The following ITPKB variants were observed in gnomAD, a reference collection of about 807,000 sequenced individuals.
ITPKB encodes inositol-trisphosphate 3-kinase B.
Under a neutral mutation model 69.4 loss-of-function variants are expected in ITPKB, and 13 were observed. That is an observed-to-expected ratio of 0.19 (90% CI 0.12 to 0.30). ITPKB has a LOEUF of 0.30. Ranked by LOEUF, ITPKB falls within the 10% of genes least tolerant of loss-of-function variation. ITPKB has a pLI of 1.00. For missense variants in ITPKB, 1,240 were observed against 1,250.5 expected (o/e 0.99, Z 0.13); for synonymous variants, 584 against 513.7 (o/e 1.14, Z -1.85).
intron 2 of ITPKB, among the ~76,000 whole-genome samples, chr1:226,678,855 G>A (rs753602361): frequency 6.6e-6 from 1 of 152,238 alleles, no homozygotes; most frequent in Non-Finnish European, 1.5e-5. Flanking sequence ...CCCAGGAAGT[G>A]ACAATAGAGG....
intron 2 of ITPKB, chr1:226,707,626 G>T: frequency 2.0e-6 from 2 of 994,074 alleles, no homozygotes; most frequent in Non-Finnish European, 2.4e-6. Context: ...TAAATAGGCA[G>T]TGTACACATG....
chr1:226,727,208 C>T (rs1288781748), intron 2 of ITPKB, among the ~76,000 whole-genome samples: 1 of 152,186 alleles, frequency 6.6e-6, no homozygotes, highest in Non-Finnish European at 1.5e-5. Context: ...CATGCATAAG[C>T]AGAGGCTTAG....
chr1:226,670,175 CA>C (rs35767912), intron 2 of ITPKB, among the ~76,000 whole-genome samples: 669 of 31,946 alleles, frequency 0.021, no homozygotes, highest in Non-Finnish European at 0.028. Flanking sequence ...AGCTCCGCCG[CA>C]AAAAAAAAAA....
intron 2 of ITPKB, among the ~76,000 whole-genome samples, chr1:226,657,601 G>C (rs182960882): frequency 1.9e-4 from 29 of 152,184 alleles, no homozygotes; most frequent in Non-Finnish European, 3.8e-4. Context: ...ACTCTGCTGC[G>C]TGTGTGCAAA....
intron 6 of ITPKB, among the ~76,000 whole-genome samples, chr1:226,638,861 CAG>C (rs1186095013): frequency 2.0e-5 from 3 of 151,962 alleles, no homozygotes; most frequent in Non-Finnish European, 4.4e-5. Flanking sequence ...TTCTCTCTCT[CAG>C]GGCATGGGAA....
chr1:226,668,369 G>A (rs1282576338), intron 2 of ITPKB, among the ~76,000 whole-genome samples: 1 of 152,140 alleles, frequency 6.6e-6, no homozygotes, highest in Non-Finnish European at 1.5e-5. Context: ...CGGTATCAGT[G>A]GCACTCACTT....
At chr1:226,682,203 G>A (rs962351285) in intron 2 of ITPKB, among the ~76,000 whole-genome samples, 3 of 152,156 alleles carry the variant, frequency 2.0e-5, no homozygotes, top group Admixed American at 6.5e-5. Flanking sequence ...TTGGTGTGGA[G>A]TGTAGTCTAG....
At chr1:226,670,175 CAAAAAAAAAA>C (rs35767912) in intron 2 of ITPKB, among the ~76,000 whole-genome samples, 38 of 32,002 alleles carry the variant, frequency 1.2e-3, no homozygotes, top group African/African-American at 3.7e-3. Context: ...AGCTCCGCCG[CAAAAAAAAAA>C]AAAAAAAAAA....
At chr1:226,681,763 C>A (rs377662520) in intron 2 of ITPKB, among the ~76,000 whole-genome samples, 2 of 152,182 alleles carry the variant, frequency 1.3e-5, no homozygotes, top group African/African-American at 4.8e-5. Context: ...GGTCTACTAG[C>A]TGGCCATGTT....
At chr1:226,650,079 G>A (rs142315555) in intron 2 of ITPKB, among the ~76,000 whole-genome samples, 1 of 152,302 alleles carries the variant, frequency 6.6e-6, no homozygotes, top group Non-Finnish European at 1.5e-5. Context: ...GGTACTGCCT[G>A]ACAGGGGGAC....
At chr1:226,663,118 G>A (rs1257815921) in intron 2 of ITPKB, among the ~76,000 whole-genome samples, 3 of 152,146 alleles carry the variant, frequency 2.0e-5, no homozygotes, top group East Asian at 3.8e-4. Flanking sequence ...GCTGTCCCCC[G>A]GGTCATCTTG....
At chr1:226,636,137 G>T (rs1421594456) in intron 7 of ITPKB, among the ~76,000 whole-genome samples, 1 of 152,248 alleles carries the variant, frequency 6.6e-6, no homozygotes, top group Non-Finnish European at 1.5e-5. Flanking sequence ...GAACGGCTTT[G>T]AGACAGAGCT....
chr1:226,634,948 C>T lies in ITPKB; in HGVS notation c.2626-62G>A. The T allele has an allele frequency of 5.1e-6, 7 of 1,371,362 alleles. No individual in the cohort carries two copies. The highest frequency in any genetic ancestry group is 7.1e-6 in the Non-Finnish European group (7 of 989,230). 84.9% of individuals were successfully genotyped at this position (1,371,362 alleles called of 1,614,324 possible). A position where few individuals can be genotyped will look rare whatever the true frequency, so the allele number is the denominator to read the frequency against. On this transcript the variant is annotated intron_variant, in intron 7 of 7. Coordinates refer to ENST00000429204, the MANE Select transcript of ITPKB (RefSeq NM_002221.4). This position sits in a 1 kb window ranked among gnomAD's most constrained non-coding sequence, Gnocchi z 6.3. ...CCGGGCCTCGCCCTCCCCACTGCGG[C>T]CCGGGGCCTGGGTGACCAGGTGGGG...
At chr1:226,669,867 G>GC (rs1558080489) in intron 2 of ITPKB, among the ~76,000 whole-genome samples, 2 of 145,742 alleles carry the variant, frequency 1.4e-5, no homozygotes, top group African/African-American at 2.5e-5. Context: ...TTTTTGGTTT[G>GC]TTTTTTTTTT....
chr1:226,704,570 G>A (rs1323989650), intron 2 of ITPKB, among the ~76,000 whole-genome samples: 1 of 150,524 alleles, frequency 6.6e-6, no homozygotes, highest in Non-Finnish European at 1.5e-5. Flanking sequence ...CCGCTTTGGG[G>A]AAATGAGCAA....
At position 226,735,966 on chromosome 1, in the gene ITPKB, C is replaced by G; in HGVS notation, c.1493G>C (p.Arg498Thr). Residue 498 changes from arginine (R) to threonine (T), a missense_variant, in exon 2 of 8, where the codon AGG (arginine) becomes ACG (threonine). Physicochemically the swap from Arg to Thr is moderately conservative, Grantham distance 71 (BLOSUM62 -1). Around this residue, in one of 2 missense-constraint regions of ITPKB, gnomAD observed 992 missense variants for 853.8 expected, o/e 1.16. Transcript: ENST00000429204. ...GGAGTTCCCAGGCTGCACACCCACC[C>G]TGTCCCCAGGAGGGCACTGAGGTTC... The part of the protein sequence containing the change: ...LKEPQCPPGD[R>T]VGVQPGNSRV... The G allele has an allele frequency of 6.2e-7, 1 of 1,614,042 alleles. No individual in the cohort carries two copies. Among genetic ancestry groups the G allele is most frequent in the Non-Finnish European group, 8.5e-7 (1 of 1,180,002 alleles).
chr1:226,677,305 T>C (rs754493981), intron 2 of ITPKB, among the ~76,000 whole-genome samples: 4 of 152,186 alleles, frequency 2.6e-5, no homozygotes, highest in Non-Finnish European at 5.9e-5. Context: ...CCCTTCTCTA[T>C]TATTAGCAAC....
At chr1:226,733,322 T>C (rs1003934996) in intron 2 of ITPKB, among the ~76,000 whole-genome samples, 2 of 152,102 alleles carry the variant, frequency 1.3e-5, no homozygotes. Context: ...CTTTTATCTA[T>C]CAAACACAGA....
Position 226,720,439 on chromosome 1 carries a change from G to A in ITPKB, c.1932+15088C>T, listed in dbSNP as rs532686975. ...CAGCTGATGGGTGGCAGAGAGGACA[G>A]GGTAGGAACTTGGGAGATTCAGATG... On this transcript the variant is annotated intron_variant, in intron 2 of 7. Coordinates refer to ENST00000429204, the MANE Select transcript of ITPKB (RefSeq NM_002221.4). Among the ~76,000 whole-genome samples the A allele has an allele frequency of 3.3e-5, 5 of 152,360 alleles. No individual in the cohort carries two copies. In the South Asian group the frequency reaches 1.0e-3, roughly 32 times the overall value.
Sources: gnomAD v4.1 joint callset for allele counts (sites outside exome capture counted in the v4.1 genomes callset) on GRCh38, gnomAD v4.1.1 for gene constraint, gnomAD v4.1.1 regional missense constraint, Gnocchi (gnomAD v3.1) non-coding constraint, MANE v1.5 for transcripts, NCBI Gene and HGNC (gene_info 2026-07-23, HGNC 2026-07-21) for gene names.